OR51B5: variants seen among roughly 807,000 people sequenced by gnomAD.
The protein encoded by OR51B5 is olfactory receptor family 51 subfamily B member 5.
For synonymous variants in OR51B5, 186 were observed against 144.8 expected, an observed-to-expected ratio of 1.28 and a Z score of -2.04; for missense variants, 456 against 374.6, an observed-to-expected ratio of 1.22 and a Z score of -1.79.
chr11:5,436,848 T>C (rs1850602211), intron 1 of OR51B5, among the ~76,000 whole-genome samples: 1 of 152,054 alleles, frequency 6.6e-6, no homozygotes, highest in South Asian at 2.1e-4. Flanking sequence ...AGTGTCTTGA[T>C]CACCTTGAGG....
chr11:5,402,464 C>T (rs937214481), intron 1 of OR51B5: 2 of 353,994 alleles, frequency 5.6e-6, no homozygotes, highest in Non-Finnish European at 1.1e-5. Context: ...GAAGTTTGGC[C>T]ACATAAATCT....
chr11:5,477,888 G>T (rs534344642), intron 1 of OR51B5, among the ~76,000 whole-genome samples: 1 of 152,052 alleles, frequency 6.6e-6, no homozygotes, highest in Non-Finnish European at 1.5e-5. Flanking sequence ...CTGATTGCTA[G>T]CACAGCAGTC....
intron 1 of OR51B5, among the ~76,000 whole-genome samples, chr11:5,413,324 C>G (rs1010286809): frequency 3.9e-5 from 6 of 151,938 alleles, no homozygotes; most frequent in African/African-American, 1.5e-4. Context: ...GATAAAACCA[C>G]AAAGATGGGG....
chr11:5,341,853 A>C (rs1001933101), downstream of OR51B5, among the ~76,000 whole-genome samples: 1 of 152,178 alleles, frequency 6.6e-6, no homozygotes, highest in African/African-American at 2.4e-5. Flanking sequence ...TAGAATAAGA[A>C]TGAGAGCAAG....
intron 1 of OR51B5, among the ~76,000 whole-genome samples, chr11:5,478,875 C>G (rs967416373): frequency 1.0e-3 from 158 of 150,774 alleles, no homozygotes; most frequent in African/African-American, 3.7e-3. Flanking sequence ...AAGACCAAAT[C>G]TACGTCTGAT....
intron 1 of OR51B5, chr11:5,402,713 C>A (rs766612282): frequency 2.1e-6 from 1 of 471,196 alleles, no homozygotes; most frequent in Non-Finnish European, 4.4e-6. Context: ...TGATATACAT[C>A]ATCATTTTCC....
At chr11:5,469,065 T>A (rs1048438114) in intron 1 of OR51B5, 5 of 255,562 alleles carry the variant, frequency 2.0e-5, no homozygotes, top group Non-Finnish European at 3.1e-5. Context: ...TCAAAACTCA[T>A]GGCCAGTAGG....
intron 1 of OR51B5, among the ~76,000 whole-genome samples, chr11:5,398,750 G>C (rs557663684): frequency 2.0e-5 from 3 of 152,248 alleles, no homozygotes; most frequent in Non-Finnish European, 2.9e-5. Context: ...TTATAAGGCA[G>C]TTTTCCCTCT....
intron 1 of OR51B5, among the ~76,000 whole-genome samples, chr11:5,461,526 T>C (rs11037561): frequency 0.31 from 46,356 of 151,852 alleles, 7,220 homozygotes; most frequent in East Asian, 0.43. Context: ...TCTCCAGGTC[T>C]CCCTGCTAAC....
chr11:5,439,899 G>T (rs1850649453), intron 1 of OR51B5, among the ~76,000 whole-genome samples: 1 of 152,108 alleles, frequency 6.6e-6, no homozygotes, highest in Admixed American at 6.5e-5. Flanking sequence ...TCTCTATAAA[G>T]CTACCAGAAA....
intron 1 of OR51B5, among the ~76,000 whole-genome samples, chr11:5,379,872 T>C (rs1849584672): frequency 1.3e-5 from 2 of 152,142 alleles, no homozygotes; most frequent in South Asian, 2.1e-4. Context: ...TCTCCTTGCA[T>C]GCACTTGCTC....
Position 5,416,737 on chromosome 11 carries a change from T to A in OR51B5, n.85-69827A>T, listed in dbSNP as rs567153532. Among the ~76,000 whole-genome samples, 188 of 138,976 alleles carry A rather than the reference T, an allele frequency of 1.4e-3. 5 individuals carry two copies. Among genetic ancestry groups the A allele is most frequent in the African/African-American group, 4.9e-3 (184 of 37,472 alleles). The allele number at this position is 138,976 out of a possible 152,430, so 91.2% of individuals were successfully genotyped here. A position where few individuals can be genotyped will look rare whatever the true frequency, so the allele number is the denominator to read the frequency against. ...CCTTACAAGGGATGTGAAGGACCTC[T>A]TCAAGGAGAACTACAAACCACTGCT... On this transcript the variant is annotated intron_variant and non_coding_transcript_variant, in intron 1 of 4. Transcript: ENST00000415970.
intron 1 of OR51B5, among the ~76,000 whole-genome samples, chr11:5,463,544 A>T (rs998620958): frequency 1.3e-5 from 2 of 152,204 alleles, no homozygotes; most frequent in Non-Finnish European, 2.9e-5. Context: ...ACTATCTTTT[A>T]CTCAATCCCA....
intron 1 of OR51B5, chr11:5,422,702 C>T: frequency 6.2e-7 from 1 of 1,614,088 alleles, no homozygotes. Flanking sequence ...ACTCAAGCGA[C>T]TGCCTTTCTG....
intron 1 of OR51B5, among the ~76,000 whole-genome samples, chr11:5,394,309 G>C (rs1849837589): frequency 1.3e-5 from 2 of 151,864 alleles, no homozygotes; most frequent in Admixed American, 1.3e-4. Context: ...AAAATATCTT[G>C]CCCAATATTA....
At chr11:5,347,955 A>G (rs1158603669), upstream of OR51B5, among the ~76,000 whole-genome samples, 1 of 152,196 alleles carries the variant, frequency 6.6e-6, no homozygotes, top group African/African-American at 2.4e-5. Context: ...GAGATACATG[A>G]CTATGGAACT....
chr11:5,378,795 T>G (rs1161390422), intron 1 of OR51B5, among the ~76,000 whole-genome samples: 2 of 150,988 alleles, frequency 1.3e-5, no homozygotes, highest in African/African-American at 4.9e-5. Context: ...TGGCAATCAT[T>G]AAAAAGTCAG....
intron 1 of OR51B5, among the ~76,000 whole-genome samples, chr11:5,429,493 C>T (rs563857477): frequency 4.4e-4 from 67 of 152,254 alleles, no homozygotes; most frequent in Non-Finnish European, 2.6e-4. Flanking sequence ...TGCGAATGAT[C>T]AGTGACACTA....
At chr11:5,397,118 C>A (rs1433155851) in intron 1 of OR51B5, among the ~76,000 whole-genome samples, 1 of 152,156 alleles carries the variant, frequency 6.6e-6, no homozygotes, top group African/African-American at 2.4e-5. Flanking sequence ...AAAACCTAAG[C>A]AATACCATTC....
Sources: allele counts gnomAD v4.1 joint callset (sites outside exome capture counted in the v4.1 genomes callset), GRCh38; gene constraint gnomAD v4.1.1; transcripts MANE v1.5; gene names NCBI Gene and HGNC (gene_info 2026-07-23, HGNC 2026-07-21).